XKR6: variants seen among roughly 807,000 people sequenced by gnomAD.
The protein encoded by XKR6 is XK related 6, also known as XK-related protein 6.
In XKR6, 22 loss-of-function variants were observed where a neutral mutation model predicts 56.7. The ratio of observed to expected loss-of-function variants is 0.39; its 90% CI spans 0.28 to 0.55. The LOEUF is 0.55. Ranked by LOEUF, XKR6 falls within the 20% of genes least tolerant of loss-of-function variation. The pLI is 0.66. For synonymous variants in XKR6, 524 were observed against 387.8 expected (o/e 1.35, Z -4.13); for missense variants, 852 against 889.0 (o/e 0.96, Z 0.53).
At chr8:11,016,954 A>T (rs932714200) in intron 1 of XKR6, among the ~76,000 whole-genome samples, 1 of 152,222 alleles carries the variant, frequency 6.6e-6, no homozygotes, top group Admixed American at 6.5e-5. Flanking sequence ...GATAGATTAG[A>T]GAGATTAGAT....
intron 1 of XKR6, among the ~76,000 whole-genome samples, chr8:11,009,627 C>T (rs944523680): frequency 1.3e-5 from 2 of 152,152 alleles, no homozygotes; most frequent in Non-Finnish European, 2.9e-5. Flanking sequence ...AAATGTCTAA[C>T]CAGCACTCAA....
intron 1 of XKR6, among the ~76,000 whole-genome samples, chr8:10,989,982 C>G (rs566366816): frequency 2.6e-5 from 4 of 152,322 alleles, no homozygotes; most frequent in African/African-American, 9.6e-5. Context: ...CAGAGGTCTG[C>G]AGAGCAGATG....
At chr8:10,968,169 A>C (rs1194487697) in intron 1 of XKR6, among the ~76,000 whole-genome samples, 1 of 152,128 alleles carries the variant, frequency 6.6e-6, no homozygotes, top group Non-Finnish European at 1.5e-5. Flanking sequence ...CTGGCCTTGC[A>C]TCCGGTCTGT....
chr8:11,002,727 C>A (rs563670832), intron 1 of XKR6, among the ~76,000 whole-genome samples: 5 of 152,262 alleles, frequency 3.3e-5, no homozygotes, highest in African/African-American at 1.2e-4. Flanking sequence ...GCATTGTCTT[C>A]TTCCACCACC....
At position 11,160,391 on chromosome 8, in the gene XKR6, G is replaced by GA. The variant is rs150234698; in HGVS notation, c.764+40184dup. On this transcript the variant is annotated intron_variant, in intron 1 of 2. Transcript: ENST00000416569. ...CTGAAGCTGAGATGGCCTTTATGGG[G>GA]AAAAAAAAAAGGAATAATGATGGGG... Among the ~76,000 whole-genome samples the GA allele has an allele frequency of 2.1e-3, 307 of 145,530 alleles. 2 individuals carry two copies. The highest frequency in any genetic ancestry group is 5.0e-3 in the South Asian group (23 of 4,606).
At chr8:11,191,188 T>C (rs1434058729) in intron 1 of XKR6, among the ~76,000 whole-genome samples, 1 of 152,186 alleles carries the variant, frequency 6.6e-6, no homozygotes, top group Admixed American at 6.5e-5. Flanking sequence ...CTAGTTCTAT[T>C]AATAGGACAG....
At position 10,958,950 on chromosome 8, in the gene XKR6, C is replaced by T. The variant is rs1020974512; in HGVS notation, c.765-34120G>A. 2.6e-5 allele frequency among the ~76,000 whole-genome samples: 4 copies of T among 152,204 alleles called. No homozygotes were observed. The South Asian group carries it at 8.3e-4, about 32-fold the overall frequency. On this transcript the variant is annotated intron_variant, in intron 1 of 2. Transcript: ENST00000416569. ...GGTCTCACCTTTTGTGCAAAAGCTA[C>T]AGCTGCATTTCAACAGGAAGGCATC...
At chr8:11,095,195 G>C (rs1226625633) in intron 1 of XKR6, among the ~76,000 whole-genome samples, 1 of 152,132 alleles carries the variant, frequency 6.6e-6, no homozygotes, top group African/African-American at 2.4e-5. Flanking sequence ...ATACGTAAGT[G>C]GACATTTTTG....
chr8:11,168,605 T>C (rs1467345917), intron 1 of XKR6, among the ~76,000 whole-genome samples: 1 of 152,158 alleles, frequency 6.6e-6, no homozygotes, highest in Non-Finnish European at 1.5e-5. Context: ...CTTCTAAAGT[T>C]TACATGGAAT....
At chr8:11,161,400 C>A (rs1176166835) in intron 1 of XKR6, among the ~76,000 whole-genome samples, 2 of 152,170 alleles carry the variant, frequency 1.3e-5, no homozygotes, top group Admixed American at 1.3e-4. Flanking sequence ...GCCTAATTCC[C>A]GTCTAGTGCC....
At chr8:11,177,393 C>G (rs1802713779) in intron 1 of XKR6, among the ~76,000 whole-genome samples, 1 of 152,186 alleles carries the variant, frequency 6.6e-6, no homozygotes, top group Admixed American at 6.5e-5. Flanking sequence ...GACACTGGGT[C>G]AACTACAAAA....
intron 1 of XKR6, chr8:11,138,180 G>C (rs78194641): frequency 6.3e-6 from 1 of 158,450 alleles, no homozygotes; most frequent in Non-Finnish European, 1.4e-5. Flanking sequence ...AAGATCATAC[G>C]AAAATCCTGC....
chr8:11,097,904 T>C (rs1208686035), intron 1 of XKR6, among the ~76,000 whole-genome samples: 1 of 151,666 alleles, frequency 6.6e-6, no homozygotes, highest in African/African-American at 2.4e-5. Flanking sequence ...TGCTATAGTG[T>C]TAGTAACATC....
chr8:10,959,081 G>A (rs1055976159), intron 1 of XKR6, among the ~76,000 whole-genome samples: 1 of 152,210 alleles, frequency 6.6e-6, no homozygotes, highest in East Asian at 1.9e-4. Flanking sequence ...CACCTCTCCT[G>A]GGTCACTTTG....
chr8:11,123,750 G>GA (rs200120806), intron 1 of XKR6: 863 of 406,742 alleles, frequency 2.1e-3, no homozygotes, highest in African/African-American at 6.7e-3. Flanking sequence ...CCTACCCCGG[G>GA]AAAAAAAAAC....
In XKR6 at chr8:10,979,477, C is replaced by A. The variant is rs566492669; in HGVS notation, c.765-54647G>T. Among the ~76,000 whole-genome samples the A allele has an allele frequency of 2.6e-5, 4 of 152,212 alleles. No individual in the cohort carries two copies. The East Asian group carries it at 7.8e-4, about 30-fold the overall frequency. ...GGGATAAGGCAGCAGGACCTCCACA[C>A]CAGAGCCAGTCCCTTTCACAGTCTC... On this transcript the variant is annotated intron_variant, in intron 1 of 2. Coordinates refer to ENST00000416569, the MANE Select transcript of XKR6 (RefSeq NM_173683.4).
intron 1 of XKR6, among the ~76,000 whole-genome samples, chr8:11,186,881 C>A (rs912147302): frequency 6.6e-5 from 10 of 152,162 alleles, no homozygotes; most frequent in African/African-American, 2.4e-4. Flanking sequence ...GTAATAATCA[C>A]TAACATACGC....
chr8:11,098,211 T>TCACACA (rs371346914), intron 1 of XKR6, among the ~76,000 whole-genome samples: 2 of 151,140 alleles, frequency 1.3e-5, no homozygotes, highest in African/African-American at 2.4e-5. Context: ...GGTGACTCTC[T>TCACACA]CACACACACA....
chr8:11,198,849 A>G (rs1277915560), intron 1 of XKR6, among the ~76,000 whole-genome samples: 2 of 151,826 alleles, frequency 1.3e-5, no homozygotes, highest in Non-Finnish European at 1.5e-5. Flanking sequence ...TCTCTTCCCC[A>G]TACTTTTTGT....
Sources: allele counts gnomAD v4.1 joint callset (sites outside exome capture counted in the v4.1 genomes callset), GRCh38; gene constraint gnomAD v4.1.1; transcripts MANE v1.5; gene names NCBI Gene and HGNC (gene_info 2026-07-23, HGNC 2026-07-21).